CCSER1: variants seen among roughly 807,000 people sequenced by gnomAD.
CCSER1 encodes the protein serine-rich coiled-coil domain-containing protein 1.
A neutral mutation model predicts 82.0 loss-of-function variants in CCSER1; 41 were observed. The ratio of observed to expected loss-of-function variants is 0.50; its 90% CI spans 0.39 to 0.65. CCSER1 has a LOEUF of 0.65. Among genes scored for constraint, CCSER1 ranks in the 30% least tolerant of loss-of-function variants. CCSER1 has a pLI of 0.00. For missense variants in CCSER1, 1,119 were observed against 1,064.2 expected (o/e 1.05, Z -0.72); for synonymous variants, 414 against 383.9 (o/e 1.08, Z -0.92).
At chr4:91,245,319 C>A (rs1739683106) in intron 10 of CCSER1, among the ~76,000 whole-genome samples, 1 of 152,110 alleles carries the variant, frequency 6.6e-6, no homozygotes, top group African/African-American at 2.4e-5. Flanking sequence ...GCAGGTTTAA[C>A]TCGAAGAAGA....
At chr4:90,575,069 T>C (rs1780590707) in intron 5 of CCSER1, among the ~76,000 whole-genome samples, 1 of 152,242 alleles carries the variant, frequency 6.6e-6, no homozygotes, top group African/African-American at 2.4e-5. Context: ...ACTTTCTCCT[T>C]ATTCCTTTTG....
chr4:90,157,726 A>G (rs1400244602), intron 1 of CCSER1, among the ~76,000 whole-genome samples: 6 of 149,758 alleles, frequency 4.0e-5, no homozygotes, highest in Non-Finnish European at 9.0e-5. Flanking sequence ...CAGCTCCATC[A>G]GCTCCTTTAA....
chr4:90,448,135 TA>T (rs1193927548), intron 4 of CCSER1, among the ~76,000 whole-genome samples: 1 of 152,038 alleles, frequency 6.6e-6, no homozygotes, highest in East Asian at 1.9e-4. Context: ...TTTTCTCCTT[TA>T]AAAAATTATT....
At chr4:91,564,517 T>A (rs1239800344) in intron 10 of CCSER1, among the ~76,000 whole-genome samples, 1 of 152,078 alleles carries the variant, frequency 6.6e-6, no homozygotes, top group Admixed American at 6.6e-5. Context: ...ACCAACAGTG[T>A]ATAAGGGTTC....
At chr4:90,172,532 C>T (rs1578318519) in intron 1 of CCSER1, among the ~76,000 whole-genome samples, 1 of 151,806 alleles carries the variant, frequency 6.6e-6, no homozygotes, top group African/African-American at 2.4e-5. Flanking sequence ...TATACTAATT[C>T]ATTTAATCTG....
chr4:91,081,480 G>T (rs1023636593), intron 9 of CCSER1, among the ~76,000 whole-genome samples: 1 of 152,120 alleles, frequency 6.6e-6, no homozygotes, highest in African/African-American at 2.4e-5. Flanking sequence ...AAAACTGGAA[G>T]CATTCCCTTT....
intron 10 of CCSER1, among the ~76,000 whole-genome samples, chr4:91,231,763 A>G (rs901338633): frequency 6.6e-6 from 1 of 151,792 alleles, no homozygotes; most frequent in Non-Finnish European, 1.5e-5. Context: ...TTAAAATCAC[A>G]ATAATATCCA....
intron 2 of CCSER1, among the ~76,000 whole-genome samples, chr4:90,310,961 A>G (rs1029616772): frequency 6.6e-5 from 10 of 152,076 alleles, no homozygotes; most frequent in Non-Finnish European, 1.5e-4. Context: ...TTCTTTAGTC[A>G]TATATGCCTA....
chr4:90,395,784 G>A (rs1056118271), intron 3 of CCSER1, among the ~76,000 whole-genome samples: 1 of 150,924 alleles, frequency 6.6e-6, no homozygotes, highest in Non-Finnish European at 1.5e-5. Context: ...TCTTGTTCCT[G>A]CTATGTTAAC....
At chr4:90,288,859 G>T (rs1300638840) in intron 1 of CCSER1, among the ~76,000 whole-genome samples, 1 of 151,846 alleles carries the variant, frequency 6.6e-6, no homozygotes, top group African/African-American at 2.4e-5. Flanking sequence ...AGATTCACTT[G>T]TGAATCTGTT....
chr4:91,369,211 T>G (rs905604075), intron 10 of CCSER1, among the ~76,000 whole-genome samples: 10 of 152,132 alleles, frequency 6.6e-5, no homozygotes, highest in African/African-American at 2.4e-4. Context: ...TTCAGTACTT[T>G]TGTTCTTTCC....
chr4:91,409,743 G>T (rs2149369915), intron 10 of CCSER1, among the ~76,000 whole-genome samples: 1 of 152,172 alleles, frequency 6.6e-6, no homozygotes, highest in African/African-American at 2.4e-5. Context: ...CTGGAATGCA[G>T]TGGCACTCAG....
At chr4:90,336,450 A>G (rs1402905088) in intron 3 of CCSER1, among the ~76,000 whole-genome samples, 1 of 152,188 alleles carries the variant, frequency 6.6e-6, no homozygotes, top group African/African-American at 2.4e-5. Flanking sequence ...GCTTTCATTA[A>G]TAGACTATTG....
intron 8 of CCSER1, 22 bp downstream of exon 8, chr4:90,815,867 C>G: frequency 6.6e-7 from 1 of 1,514,328 alleles, no homozygotes; most frequent in Non-Finnish European, 9.0e-7. Context: ...CAATGCTTGG[C>G]CCACGAGTGT....
chr4:90,312,819 A>C (rs1422033197), intron 2 of CCSER1, 44 bp from the exon 3 acceptor site: 1 of 1,386,986 alleles, frequency 7.2e-7, no homozygotes, highest in Non-Finnish European at 9.9e-7. Flanking sequence ...TAAAAACTAC[A>C]TTTAAATATT....
In CCSER1 at chr4:91,496,236, TA is replaced by T. The variant is rs568224221; in HGVS notation, c.2218-102335del. ...ACAGTAAAAACAGAATCATTAAACG[TA>T]TTGAAATATGAGGCTTTGGTTGGTC... On this transcript the variant is annotated intron_variant, in intron 10 of 10. Transcript: ENST00000509176. Among the ~76,000 whole-genome samples the T allele has an allele frequency of 3.9e-4, 59 of 151,486 alleles. 1 individual carries two copies. In the East Asian group the frequency reaches 0.011, roughly 29 times the overall value.
chr4:90,451,111 A>G (rs930976646), intron 4 of CCSER1, among the ~76,000 whole-genome samples: 3 of 152,124 alleles, frequency 2.0e-5, no homozygotes, highest in African/African-American at 7.2e-5. Context: ...AGCACAGTGA[A>G]GATAGTATTG....
chr4:90,697,821 T>C (rs1240733005), intron 6 of CCSER1, among the ~76,000 whole-genome samples: 2 of 152,134 alleles, frequency 1.3e-5, no homozygotes, highest in African/African-American at 4.8e-5. Context: ...GGAATACATG[T>C]ATAAGAAGTG....
chr4:90,223,233 C>T (rs1742495714), intron 1 of CCSER1, among the ~76,000 whole-genome samples: 1 of 151,976 alleles, frequency 6.6e-6, no homozygotes, highest in South Asian at 2.1e-4. Flanking sequence ...TTGACTTTGC[C>T]TATGTGTTTT....
Sources: allele counts gnomAD v4.1 joint callset (sites outside exome capture counted in the v4.1 genomes callset), GRCh38; gene constraint gnomAD v4.1.1; transcripts MANE v1.5; gene names NCBI Gene and HGNC (gene_info 2026-07-23, HGNC 2026-07-21).